Variants in SHANK2 observed in about 807,000 individuals in gnomAD.
The protein encoded by SHANK2 is SH3 and multiple ankyrin repeat domains 2, also known as SH3 and multiple ankyrin repeat domains protein 2.
SHANK2 carries 43 observed loss-of-function variants against 133.7 expected under a neutral mutation model. The observed-to-expected ratio is 0.32, with a 90% CI of 0.25 to 0.41. SHANK2 has a LOEUF of 0.41. SHANK2 is among the 10% of genes least tolerant of loss of function. The probability of loss-of-function intolerance (pLI) is 1.00; values close to 1 mark genes in which losing one functional copy is unlikely to be tolerated. For missense variants in SHANK2, 1,994 were observed against 2,235.8 expected (o/e 0.89, Z 2.18); for synonymous variants, 1,017 against 952.8 (o/e 1.07, Z -1.24).
intron 14 of SHANK2, among the ~76,000 whole-genome samples, chr11:70,797,688 G>A (rs899682631): frequency 1.3e-5 from 2 of 152,208 alleles, no homozygotes; most frequent in South Asian, 2.1e-4. Context: ...ACAAGAAGGC[G>A]TGCATGGTTG....
chr11:70,665,507 C>A (rs1031451337), intron 15 of SHANK2, among the ~76,000 whole-genome samples: 3 of 152,200 alleles, frequency 2.0e-5, no homozygotes, highest in Non-Finnish European at 2.9e-5. Context: ...TGTAATGGCC[C>A]TGTCCTGTTT....
intron 10 of SHANK2, among the ~76,000 whole-genome samples, chr11:70,914,885 G>A (rs1430647532): frequency 3.5e-5 from 5 of 141,288 alleles, no homozygotes; most frequent in Admixed American, 2.9e-4. Flanking sequence ...TTGACAAAGC[G>A]AGACTCTGTC....
At chr11:70,924,556 A>C (rs1555081205) in intron 10 of SHANK2, among the ~76,000 whole-genome samples, 2 of 152,148 alleles carry the variant, frequency 1.3e-5, no homozygotes, top group African/African-American at 4.8e-5. Context: ...TCCTGGGTTC[A>C]AGTGGTTCTC....
intron 14 of SHANK2, among the ~76,000 whole-genome samples, chr11:70,785,228 C>A (rs75192021): frequency 1.3e-5 from 2 of 152,076 alleles, no homozygotes; most frequent in African/African-American, 4.8e-5. Context: ...CCCCTGGGGG[C>A]GCCTGGGCCC....
intron 8 of SHANK2, among the ~76,000 whole-genome samples, chr11:71,084,764 A>G (rs909907080): frequency 1.3e-5 from 2 of 152,234 alleles, no homozygotes; most frequent in African/African-American, 4.8e-5. Context: ...GGCTTCTGGT[A>G]AGAGACAGGC....
chr11:70,636,722 T>A (rs996233546), intron 17 of SHANK2, among the ~76,000 whole-genome samples: 1 of 151,058 alleles, frequency 6.6e-6, no homozygotes, highest in Non-Finnish European at 1.5e-5. Context: ...TGTGCGAGGA[T>A]GCATGATGTG....
rs1020094337 is a variant in SHANK2 at position 70,926,645 on chromosome 11, A to G, written c.1108-30078T>C. 2.7e-4 allele frequency among the ~76,000 whole-genome samples: 41 copies of G among 152,154 alleles called. 1 individual carries two copies. Among genetic ancestry groups the G allele is most frequent in the Non-Finnish European group, 7.4e-5 (5 of 68,024 alleles). On this transcript the variant is annotated intron_variant, in intron 10 of 25. Transcript: ENST00000601538. ...ACACAATTTCAAAAACCATAGCACT[A>G]AAGAGATGGCAAAAAGGACACTTGT...
At chr11:70,813,413 G>C (rs772803611) in intron 12 of SHANK2, among the ~76,000 whole-genome samples, 35 of 152,180 alleles carry the variant, frequency 2.3e-4, no homozygotes, top group East Asian at 5.8e-4. Flanking sequence ...GGCTGGACCG[G>C]AGCAGACAGA....
At chr11:70,482,625 C>T (rs782712098) in intron 25 of SHANK2, among the ~76,000 whole-genome samples, 4 of 152,176 alleles carry the variant, frequency 2.6e-5, no homozygotes, top group Admixed American at 6.5e-5. Flanking sequence ...TCAGGGGTGC[C>T]GTGGAATGTA....
intron 15 of SHANK2, among the ~76,000 whole-genome samples, chr11:70,695,241 G>T (rs945331925): frequency 6.6e-6 from 1 of 151,964 alleles, no homozygotes; most frequent in South Asian, 2.1e-4. Flanking sequence ...CGGTGGTGTC[G>T]GTTGCACAAC....
intron 3 of SHANK2, among the ~76,000 whole-genome samples, chr11:71,137,526 A>C (rs1205978767): frequency 5.9e-5 from 9 of 152,108 alleles, no homozygotes; most frequent in Admixed American, 3.3e-4. Flanking sequence ...GTGTGAATGG[A>C]AATTCTATCG....
At chr11:70,538,490 C>A (rs1161952753) in intron 17 of SHANK2, among the ~76,000 whole-genome samples, 1 of 152,236 alleles carries the variant, frequency 6.6e-6, no homozygotes, top group African/African-American at 2.4e-5. Flanking sequence ...TCTGGGGATG[C>A]GTCCTCCCCT....
At chr11:70,767,286 T>C (rs1555041616) in intron 14 of SHANK2, among the ~76,000 whole-genome samples, 1 of 152,200 alleles carries the variant, frequency 6.6e-6, no homozygotes, top group African/African-American at 2.4e-5. Flanking sequence ...TAAGAAAGTT[T>C]GGCGGTTTTT....
At chr11:70,647,970 C>T (rs145681280) in intron 17 of SHANK2, among the ~76,000 whole-genome samples, 6 of 152,326 alleles carry the variant, frequency 3.9e-5, no homozygotes, top group South Asian at 2.1e-4. Context: ...ACGTTTATGT[C>T]GACATTATTC....
chr11:70,602,311 G>GC (rs1456284661), intron 17 of SHANK2, among the ~76,000 whole-genome samples: 1 of 152,178 alleles, frequency 6.6e-6, no homozygotes, highest in Non-Finnish European at 1.5e-5. Context: ...TTTCTTTACA[G>GC]CAACACAAGA....
chr11:70,676,299 A>C (rs779201973), intron 15 of SHANK2, among the ~76,000 whole-genome samples: 2 of 152,274 alleles, frequency 1.3e-5, no homozygotes, highest in Admixed American at 1.3e-4. Flanking sequence ...TCATGACCCT[A>C]TGGAATAGTT....
intron 17 of SHANK2, among the ~76,000 whole-genome samples, chr11:70,593,040 G>A (rs766151983): frequency 2.6e-5 from 4 of 152,196 alleles, no homozygotes; most frequent in Non-Finnish European, 2.9e-5. Flanking sequence ...GGCCTCGCAT[G>A]AAAAACTTCC....
intron 3 of SHANK2, among the ~76,000 whole-genome samples, chr11:71,123,107 G>A (rs1227219194): frequency 6.6e-6 from 1 of 152,132 alleles, no homozygotes; most frequent in East Asian, 1.9e-4. Context: ...ACCAGCTCCC[G>A]GCAAGCCCAC....
intron 10 of SHANK2, among the ~76,000 whole-genome samples, chr11:70,946,755 C>A (rs1950746580): frequency 6.9e-6 from 1 of 145,242 alleles, no homozygotes. Flanking sequence ...TCCCTCTCCA[C>A]TAACCAACCC....
Sources: gnomAD v4.1 joint callset for allele counts (sites outside exome capture counted in the v4.1 genomes callset) on GRCh38, gnomAD v4.1.1 for gene constraint, MANE v1.5 for transcripts, NCBI Gene and HGNC (gene_info 2026-07-23, HGNC 2026-07-21) for gene names.